SCD5: variants seen among roughly 807,000 people sequenced by gnomAD.
The protein encoded by SCD5 is acyl-CoA-desaturase 4.
A neutral mutation model predicts 30.4 loss-of-function variants in SCD5; 20 were observed. The ratio of observed to expected loss-of-function variants is 0.66; its 90% CI spans 0.46 to 0.96. The LOEUF (loss-of-function observed/expected upper bound fraction) is 0.96. Ranked by LOEUF, SCD5 falls within the 40% of genes least tolerant of loss-of-function variation. The probability of loss-of-function intolerance (pLI) is 0.00; values close to 1 mark genes in which losing one functional copy is unlikely to be tolerated. For synonymous variants in SCD5, 173 were observed against 176.4 expected, an observed-to-expected ratio of 0.98 and a Z score of 0.16; for missense variants, 381 against 443.3, an observed-to-expected ratio of 0.86 and a Z score of 1.26.
At chr4:82,687,763 C>A (rs1224304075) in intron 2 of SCD5, among the ~76,000 whole-genome samples, 1 of 152,214 alleles carries the variant, frequency 6.6e-6, no homozygotes, top group African/African-American at 2.4e-5. Flanking sequence ...TTATCTGGGA[C>A]TTGAGCAAAG....
intron 1 of SCD5, among the ~76,000 whole-genome samples, chr4:82,760,999 G>A (rs1324697886): frequency 6.6e-6 from 1 of 152,132 alleles, no homozygotes; most frequent in Admixed American, 6.5e-5. Context: ...CTTTATTTGT[G>A]GCAAATCTAT....
intron 1 of SCD5, chr4:82,753,383 G>A: frequency 1.9e-6 from 1 of 533,432 alleles, no homozygotes; most frequent in Non-Finnish European, 3.9e-6. Context: ...TGTGCAGACA[G>A]CCTGAGTAGC....
chr4:82,660,712 C>T (rs1009377910), intron 3 of SCD5: 5 of 1,444,556 alleles, frequency 3.5e-6, no homozygotes, highest in Non-Finnish European at 3.6e-6. Context: ...CCCGTAGCTG[C>T]CTCCTTGTGT....
intron 1 of SCD5, among the ~76,000 whole-genome samples, chr4:82,729,299 C>T (rs908193335): frequency 2.0e-5 from 3 of 152,154 alleles, no homozygotes; most frequent in Middle Eastern, 3.2e-3. Flanking sequence ...GAAGGAGGGG[C>T]TGTACCTATG....
intron 1 of SCD5, among the ~76,000 whole-genome samples, chr4:82,745,801 T>C (rs17006252): frequency 0.037 from 5,586 of 152,306 alleles, 370 homozygotes; most frequent in African/African-American, 0.13. Flanking sequence ...CAGATAATAC[T>C]GCATATCACT....
In SCD5 at chr4:82,630,360, C is replaced by G. The variant is rs1384032601; in HGVS notation, c.*967G>C. 2.6e-5 allele frequency: 4 copies of G among 151,860 alleles called. No homozygotes were observed. In the East Asian group the frequency reaches 7.7e-4, roughly 29 times the overall value. 9.4% of individuals were successfully genotyped at this position (151,860 alleles called of 1,614,324 possible). A position where few individuals can be genotyped will look rare whatever the true frequency, so the allele number is the denominator to read the frequency against. ...TTCTCTTAAGCAAACAATAAAACCA[C>G]ACACACACAATAATTAACAAAACAG... is the stretch of plus-strand genomic sequence containing the variant. On this transcript the variant is annotated 3_prime_UTR_variant, in exon 5 of 5. Transcript: ENST00000319540.
intron 1 of SCD5, among the ~76,000 whole-genome samples, chr4:82,715,576 C>T (rs917471148): frequency 6.6e-6 from 1 of 151,654 alleles, no homozygotes; most frequent in African/African-American, 2.4e-5. Context: ...TGGCGCCAGG[C>T]TACCTGTATC....
At chr4:82,649,180 G>GGTGTGTGTGTGTGT (rs55991339) in intron 3 of SCD5, among the ~76,000 whole-genome samples, 1 of 144,008 alleles carries the variant, frequency 6.9e-6, no homozygotes, top group African/African-American at 2.6e-5. Flanking sequence ...GGGTGAGAGG[G>GGTGTGTGTGTGTGT]GTGTGTGTGT....
intron 1 of SCD5, among the ~76,000 whole-genome samples, chr4:82,747,070 C>T (rs1025276560): frequency 8.6e-5 from 3 of 34,868 alleles, no homozygotes; most frequent in African/African-American, 1.8e-4. Context: ...GGGCAACCTG[C>T]CCCCCAAGAA....
intron 1 of SCD5, among the ~76,000 whole-genome samples, chr4:82,795,384 G>T (rs563860101): frequency 6.6e-6 from 1 of 152,228 alleles, no homozygotes; most frequent in East Asian, 1.9e-4. Flanking sequence ...GGCCTTCAGT[G>T]GGGGGAAATT....
At chr4:82,635,871 T>C (rs1357681965) in intron 4 of SCD5, among the ~76,000 whole-genome samples, 2 of 152,206 alleles carry the variant, frequency 1.3e-5, no homozygotes, top group African/African-American at 4.8e-5. Flanking sequence ...CATGGTCCCG[T>C]GAAATGCCAA....
chr4:82,679,833 T>C (rs982574759), intron 3 of SCD5, among the ~76,000 whole-genome samples: 2 of 152,228 alleles, frequency 1.3e-5, no homozygotes, highest in Non-Finnish European at 2.9e-5. Flanking sequence ...TCCATGTCCA[T>C]TTTCAGTCTG....
intron 1 of SCD5, among the ~76,000 whole-genome samples, chr4:82,789,549 T>C (rs1385921660): frequency 2.6e-5 from 4 of 152,220 alleles, no homozygotes; most frequent in Admixed American, 2.6e-4. Context: ...AGGACCACAC[T>C]TTGAGTAGCA....
intron 3 of SCD5, among the ~76,000 whole-genome samples, chr4:82,671,918 A>G (rs1728334648): frequency 1.3e-5 from 2 of 152,174 alleles, no homozygotes; most frequent in South Asian, 4.1e-4. Context: ...GAAAACCCCA[A>G]AATACATGGA....
At chr4:82,643,174 T>C (rs1305146765) in intron 3 of SCD5, among the ~76,000 whole-genome samples, 1 of 152,186 alleles carries the variant, frequency 6.6e-6, no homozygotes. Context: ...GAATGTGAAG[T>C]GGCACAGCCA....
intron 3 of SCD5, among the ~76,000 whole-genome samples, chr4:82,669,828 C>T (rs1728269837): frequency 6.6e-6 from 1 of 152,176 alleles, no homozygotes; most frequent in Non-Finnish European, 1.5e-5. Flanking sequence ...AGAGCCTGAC[C>T]TGCTGGGGTT....
At chr4:82,689,174 G>C (rs1245784115) in intron 2 of SCD5, among the ~76,000 whole-genome samples, 1 of 152,208 alleles carries the variant, frequency 6.6e-6, no homozygotes. Context: ...GAAATGGCTG[G>C]TGCCAGGACT....
rs371557185 is a variant in SCD5 at position 82,695,878 on chromosome 4, C to T, written c.363+9405G>A. Among the ~76,000 whole-genome samples, 6 of 152,170 alleles carry T rather than the reference C, an allele frequency of 3.9e-5. No individual in the cohort carries two copies. In the South Asian group the frequency reaches 1.0e-3, roughly 26 times the overall value. On this transcript the variant is annotated intron_variant, in intron 2 of 4. Transcript: ENST00000319540. ...TAGGCTTTGTCCAATGATCCTAGCC[C>T]ATATTCAAATTTCTGCAGCCCTAAA...
intron 1 of SCD5, among the ~76,000 whole-genome samples, chr4:82,746,179 A>G (rs1720977857): frequency 6.6e-6 from 1 of 152,210 alleles, no homozygotes; most frequent in South Asian, 2.1e-4. Flanking sequence ...GCAGTACCGG[A>G]GAGAAAGTGG....
Sources: allele counts gnomAD v4.1 joint callset (sites outside exome capture counted in the v4.1 genomes callset), GRCh38; gene constraint gnomAD v4.1.1; transcripts MANE v1.5; gene names NCBI Gene and HGNC (gene_info 2026-07-23, HGNC 2026-07-21).